Variants in MIOX observed in about 807,000 individuals in gnomAD.
The protein encoded by MIOX is inositol oxygenase.
In MIOX, 51 loss-of-function variants were observed where a neutral mutation model predicts 42.7. That is an observed-to-expected ratio of 1.19 (90% CI 0.95 to 1.51). The LOEUF is 1.51. MIOX is among the 40% of genes most tolerant of loss of function. The probability of loss-of-function intolerance (pLI) is 0.00; values close to 1 mark genes in which losing one functional copy is unlikely to be tolerated. For missense variants in MIOX, 395 were observed against 381.3 expected, an observed-to-expected ratio of 1.04 and a Z score of -0.30; for synonymous variants, 168 against 154.4, an observed-to-expected ratio of 1.09 and a Z score of -0.65.
At position 50,487,964 on chromosome 22, in the gene MIOX, G is replaced by A; in HGVS notation, c.256G>A (p.Glu86Lys). The change falls in exon 4 of 10, where the codon GAG (glutamate) becomes AAG (lysine). Residue 86 changes from glutamate (E) to lysine (K), a missense_variant. Coordinates refer to ENST00000216075, the MANE Select transcript of MIOX (RefSeq NM_017584.6). The stretch of plus-strand genomic sequence containing the variant: ...GGACCTGCTGGATGGGCTGGTGGAT[G>A]AGTCGGACCCGGACGTAGATTTCCC... Reference protein sequence around the residue: ...AVDLLDGLVDESDPDVDFPNS... With the variant: ...AVDLLDGLVDKSDPDVDFPNS... 1 of 1,614,040 alleles carries A rather than the reference G, an allele frequency of 6.2e-7. No homozygotes were observed. The highest frequency in any genetic ancestry group is 8.5e-7 in the Non-Finnish European group (1 of 1,179,932).
intron 5 of MIOX, among the ~76,000 whole-genome samples, 162 bp from the exon 6 acceptor site, chr22:50,488,878 C>T (rs2068316918): frequency 9.5e-6 from 1 of 105,238 alleles, no homozygotes; most frequent in African/African-American, 3.2e-5. Flanking sequence ...CCCCCATGGC[C>T]GCCCGTCCCT....
At chr22:50,488,653 C>A (rs1359021132) in intron 5 of MIOX, among the ~76,000 whole-genome samples, 16 of 149,028 alleles carry the variant, frequency 1.1e-4, no homozygotes, top group African/African-American at 3.7e-4. Context: ...CCACTCCCCC[C>A]ACGGCCCCCC....
chr22:50,489,911 G>C lies in MIOX; in HGVS notation c.*55G>C, dbSNP rs1055271. The stretch of plus-strand genomic sequence containing the variant: ...CTAGGCCTGGCCCTCCGCCTGCCTG[G>C]AGAGGCCTGGCCCTGGGCAAACAGC... On this transcript the variant is annotated 3_prime_UTR_variant, in exon 10 of 10. Coordinates refer to ENST00000216075, the MANE Select transcript of MIOX (RefSeq NM_017584.6). The C allele has an allele frequency of 0.33, 510,248 of 1,534,558 alleles. 88,026 individuals carry two copies. Among genetic ancestry groups the C allele is most frequent in the Non-Finnish European group, 0.36 (400,423 of 1,119,040 alleles).
In MIOX at chr22:50,489,519, G is replaced by A. The variant is rs1259650931; in HGVS notation, c.637-13G>A. On this transcript the variant is annotated splice_polypyrimidine_tract_variant and intron_variant, in intron 8 of 9. Transcript: ENST00000216075. The stretch of plus-strand genomic sequence containing the variant: ...GCAGCCCCAAGTGAGCCGCTGGGTG[G>A]CCTTGCCCGCAGGCTTTCTACATGA... 2 of 1,612,354 alleles carry A rather than the reference G, an allele frequency of 1.2e-6. No homozygotes were observed. Among genetic ancestry groups the A allele is most frequent in the Non-Finnish European group, 1.7e-6 (2 of 1,179,724 alleles).
Position 50,488,268 on chromosome 22 carries a change from C to T in MIOX, c.341-7C>T, listed in dbSNP as rs1201461680. 1 of 1,613,502 alleles carries T rather than the reference C, an allele frequency of 6.2e-7. No individual in the cohort carries two copies. ...TCCCCAACCTGCCCTGTCCATCCCC[C>T]TCCCAGACTGGTTCCACCTCGTCGG... is the stretch of plus-strand genomic sequence containing the variant. On this transcript the variant is annotated splice_polypyrimidine_tract_variant and splice_region_variant and intron_variant, in intron 4 of 9. Coordinates refer to ENST00000216075, the MANE Select transcript of MIOX (RefSeq NM_017584.6).
rs779058936 is a variant in MIOX, at chr22:50,489,809, T to C, written c.811T>C (p.Tyr271His). The change falls in exon 10 of 10, where the codon TAC becomes CAC. Residue 271 changes from tyrosine (Y) to histidine (H), a missense_variant. By Grantham distance (83) the Tyr-to-His change is moderately conservative (BLOSUM62 2). Coordinates refer to ENST00000216075, the MANE Select transcript of MIOX (RefSeq NM_017584.6). ...LPDVDKLRPY[Y>H]QGLIDKYCPG... ...GGACGTGGACAAGCTGCGGCCCTAC[T>C]ACCAGGGGCTCATTGACAAGTACTG... 13 of 1,611,724 alleles carry C rather than the reference T, an allele frequency of 8.1e-6. No homozygotes were observed. The East Asian group carries it at 8.9e-5, about 11-fold the overall frequency.
At chr22:50,489,346 G>A (rs1391219992) in intron 7 of MIOX, 51 bp downstream of exon 7, 1 of 1,477,210 alleles carries the variant, frequency 6.8e-7, no homozygotes, top group Admixed American at 2.0e-5. Flanking sequence ...GGGGACGGTG[G>A]GGGGCGGTGG....
At chr22:50,488,192 C>A (rs570296746) in intron 4 of MIOX, 83 bp from the exon 5 acceptor site, 12 of 1,597,202 alleles carry the variant, frequency 7.5e-6, no homozygotes, top group Non-Finnish European at 1.0e-5. Flanking sequence ...CTGGACCCTT[C>A]CTGGCTCTCA....
rs751307688 is a variant in MIOX at position 50,488,315 on chromosome 22, G to A, written c.381G>A (p.Lys127=). The A allele has an allele frequency of 1.9e-6, 3 of 1,612,388 alleles. No individual in the cohort carries two copies. The highest frequency in any genetic ancestry group is 2.5e-6 in the Non-Finnish European group (3 of 1,179,116). ...HLVGLLHDLG[K]VLALFGEPQW... The stretch of plus-strand genomic sequence containing the variant: ...TCGGGCTCCTGCACGACCTGGGGAA[G>A]GTCCTGGCCCTGTTCGGGGAGCCCC... The change falls in exon 5 of 10, where the codon AAG becomes AAA. Residue 127 remains lysine (K), a synonymous_variant. Transcript: ENST00000216075.
intron 5 of MIOX, 122 bp downstream of exon 5, chr22:50,488,464 C>A: frequency 1.3e-6 from 1 of 775,890 alleles, no homozygotes; most frequent in Non-Finnish European, 2.0e-6. Context: ...CCACGGCCCC[C>A]CGACGGCTGC....
In MIOX at chr22:50,490,447, G is replaced by A. The variant is rs56235139; in HGVS notation, c.*591G>A. ...AGCCTGGCCAACATGGTGAAACCCC[G>A]TCTCTACTAAAAATACAAAAATTAG... On this transcript the variant is annotated 3_prime_UTR_variant, in exon 10 of 10. Transcript: ENST00000216075. 0.027 allele frequency: 4,101 copies of A among 153,000 alleles called. 69 individuals carry two copies. Among genetic ancestry groups the A allele is most frequent in the South Asian group, 0.035 (172 of 4,884 alleles). 9.5% of individuals were successfully genotyped at this position (153,000 alleles called of 1,614,324 possible).
In MIOX at chr22:50,487,473, C is replaced by G. The variant is rs779224130; in HGVS notation, c.96+8C>G. 1.9e-6 allele frequency: 3 copies of G among 1,610,444 alleles called. No individual in the cohort carries two copies. The Admixed American group carries it at 5.0e-5, about 27-fold the overall frequency. On this transcript the variant is annotated splice_region_variant and intron_variant, in intron 2 of 9. Transcript: ENST00000216075. Reference sequence around the variant, plus strand: ...AGCTTCCGGAACTACACGGTGAGTACCTTGCCGTCCTGCCCCCCTTCTCCC... The same window carrying G: ...AGCTTCCGGAACTACACGGTGAGTAGCTTGCCGTCCTGCCCCCCTTCTCCC...
rs1206271533 is a variant in MIOX at position 50,489,857 on chromosome 22, C to A, written c.*1C>A. 15 of 1,608,952 alleles carry A rather than the reference C, an allele frequency of 9.3e-6. No individual in the cohort carries two copies. The highest frequency in any genetic ancestry group is 1.3e-5 in the African/African-American group (1 of 74,848). On this transcript the variant is annotated 3_prime_UTR_variant, in exon 10 of 10. Transcript: ENST00000216075. Reference sequence around the variant, plus strand: ...CTGCCCTGGCATCCTGAGCTGGTGACCCTCCTGCCACCCAAGCTGCTGCTG... The same window carrying A: ...CTGCCCTGGCATCCTGAGCTGGTGAACCTCCTGCCACCCAAGCTGCTGCTG...
intron 2 of MIOX, 27 bp downstream of exon 2, chr22:50,487,492 T>A (rs769911163): frequency 2.5e-6 from 4 of 1,606,786 alleles, no homozygotes; most frequent in Non-Finnish European, 3.4e-6. Context: ...CCTGCCCCCC[T>A]TCTCCCCCAT....
chr22:50,488,074 G>A (rs2068296719), intron 4 of MIOX, 26 bp downstream of exon 4: 2 of 1,612,458 alleles, frequency 1.2e-6, no homozygotes, highest in Admixed American at 1.7e-5. Context: ...GCTGCAGGGG[G>A]GCAGGTGCTG....
At chr22:50,488,805 C>CATCCCTCCT (rs1569516522) in intron 5 of MIOX, among the ~76,000 whole-genome samples, 1 of 97,946 alleles carries the variant, frequency 1.0e-5, no homozygotes, top group African/African-American at 4.3e-5. Flanking sequence ...CTGTCCCTCC[C>CATCCCTCCT]GTCCCTCCCA....
chr22:50,488,076 C>A (rs1044915077), intron 4 of MIOX, 28 bp downstream of exon 4: 1 of 1,612,106 alleles, frequency 6.2e-7, no homozygotes, highest in African/African-American at 1.3e-5. Flanking sequence ...TGCAGGGGGG[C>A]AGGTGCTGCC....
At position 50,489,833 on chromosome 22, in the gene MIOX, T is replaced by C. The variant is rs769265632; in HGVS notation, c.835T>C (p.Cys279Arg). 35 of 1,610,830 alleles carry C rather than the reference T, an allele frequency of 2.2e-5. No individual in the cohort carries two copies. In the South Asian group the frequency reaches 3.6e-4, roughly 17 times the overall value. Reference sequence around the variant, plus strand: ...CTACCAGGGGCTCATTGACAAGTACTGCCCTGGCATCCTGAGCTGGTGACC... The same window carrying C: ...CTACCAGGGGCTCATTGACAAGTACCGCCCTGGCATCCTGAGCTGGTGACC... The part of the protein sequence containing the change: ...PYYQGLIDKY[C>R]PGILSW Residue 279 changes from cysteine (C) to arginine (R), a missense_variant, in exon 10 of 10, where the codon TGC (cysteine) becomes CGC (arginine). Transcript: ENST00000216075.
At chr22:50,489,370 C>T in intron 7 of MIOX, 27 bp from the exon 8 acceptor site, 1 of 1,540,682 alleles carries the variant, frequency 6.5e-7, no homozygotes, top group South Asian at 1.2e-5. Flanking sequence ...AGAGGCAGTG[C>T]CTGCTGGTGA....
Sources: gnomAD v4.1 joint callset for allele counts (sites outside exome capture counted in the v4.1 genomes callset) on GRCh38, gnomAD v4.1.1 for gene constraint, MANE v1.5 for transcripts, NCBI Gene and HGNC (gene_info 2026-07-23, HGNC 2026-07-21) for gene names.